The following L3MBTL3 variants were observed in gnomAD, a reference collection of about 807,000 sequenced individuals.
L3MBTL3 encodes the protein L3MBTL histone methyl-lysine binding protein 3.
Under a neutral mutation model 102.3 loss-of-function variants are expected in L3MBTL3, and 27 were observed. The ratio of observed to expected loss-of-function variants is 0.26; its 90% CI spans 0.19 to 0.36. The LOEUF (loss-of-function observed/expected upper bound fraction) is 0.36. L3MBTL3 is among the 10% of genes least tolerant of loss of function. The pLI is 1.00. For missense variants in L3MBTL3, 798 were observed against 955.3 expected (o/e 0.84, Z 2.17); for synonymous variants, 340 against 320.9 (o/e 1.06, Z -0.64).
intron 18 of L3MBTL3, among the ~76,000 whole-genome samples, chr6:130,094,687 G>A (rs758006065): frequency 2.0e-5 from 3 of 152,136 alleles, no homozygotes; most frequent in East Asian, 1.9e-4. Context: ...GGGAGACTCC[G>A]TTGATATCAT....
intron 2 of L3MBTL3, among the ~76,000 whole-genome samples, chr6:130,039,268 A>G (rs986026318): frequency 4.6e-5 from 7 of 152,144 alleles, no homozygotes; most frequent in Non-Finnish European, 5.9e-5. Context: ...CCTGTAAAAT[A>G]TAAGGAACAA....
chr6:130,139,030 C>T (rs192777332), intron 22 of L3MBTL3, among the ~76,000 whole-genome samples: 54 of 152,246 alleles, frequency 3.5e-4, no homozygotes, highest in Admixed American at 2.6e-3. Flanking sequence ...GTCAGTGACT[C>T]GTAACACCAG....
chr6:130,126,276 C>T (rs62433667), intron 20 of L3MBTL3, among the ~76,000 whole-genome samples: 9,784 of 152,246 alleles, frequency 0.064, 459 homozygotes, highest in Non-Finnish European at 0.1. Flanking sequence ...CAGCCACTCT[C>T]TCTCCTGGGT....
intron 2 of L3MBTL3, among the ~76,000 whole-genome samples, chr6:130,036,886 A>G (rs1275991630): frequency 1.3e-5 from 2 of 152,192 alleles, no homozygotes; most frequent in African/African-American, 4.8e-5. Context: ...ACAAAACTCT[A>G]TAAAGATTAA....
intron 3 of L3MBTL3, among the ~76,000 whole-genome samples, chr6:130,047,233 A>T (rs1409882979): frequency 6.6e-6 from 1 of 152,114 alleles, no homozygotes; most frequent in East Asian, 1.9e-4. Flanking sequence ...CCATCTGTGG[A>T]TCTCTGGCTT....
rs1156310546 is a variant in L3MBTL3, at chr6:130,055,481, T to TCCCTCCCTCTCG, written c.667+237_667+238insGCCCTCCCTCTC. On this transcript the variant is annotated intron_variant, in intron 8 of 22. Transcript: ENST00000361794. ...AGAACTGTCTTCCTCCCTCCCTCTC[T>TCCCTCCCTCTCG]CCCTCCCTCTCTCCCTCCCTCTCTC... 4.7e-5 allele frequency among the ~76,000 whole-genome samples: 7 copies of TCCCTCCCTCTCG among 147,428 alleles called. No individual in the cohort carries two copies. The East Asian group carries it at 1.4e-3, about 31-fold the overall frequency.
chr6:130,085,605 G>A (rs1454287954), intron 15 of L3MBTL3, among the ~76,000 whole-genome samples: 1 of 152,162 alleles, frequency 6.6e-6, no homozygotes, highest in Admixed American at 6.5e-5. Flanking sequence ...CAGACAGGGT[G>A]AAGTTCAGAG....
chr6:130,110,026 C>T (rs1446414414), intron 19 of L3MBTL3, among the ~76,000 whole-genome samples: 2 of 152,114 alleles, frequency 1.3e-5, no homozygotes, highest in South Asian at 2.1e-4. Context: ...GGTGTTATTT[C>T]TGAGGTCTCT....
At chr6:130,098,696 A>G (rs1013205885) in intron 18 of L3MBTL3, among the ~76,000 whole-genome samples, 3 of 152,016 alleles carry the variant, frequency 2.0e-5, no homozygotes, top group South Asian at 4.1e-4. Flanking sequence ...TTCTTGTTTT[A>G]TAGATGAGGA....
At chr6:130,058,740 A>G (rs1781693238) in intron 9 of L3MBTL3, among the ~76,000 whole-genome samples, 1 of 152,236 alleles carries the variant, frequency 6.6e-6, no homozygotes. Flanking sequence ...GAGAATAGGT[A>G]GACAAGTGGG....
At chr6:130,120,840 G>A (rs1199847139) in intron 19 of L3MBTL3, 39 bp from the exon 20 acceptor site, 3 of 1,488,536 alleles carry the variant, frequency 2.0e-6, no homozygotes, top group Non-Finnish European at 2.8e-6. Context: ...TTTTTAAAAT[G>A]TTTCTCTTAT....
intron 19 of L3MBTL3, among the ~76,000 whole-genome samples, chr6:130,112,328 A>T (rs770384966): frequency 6.6e-6 from 1 of 152,126 alleles, no homozygotes. Context: ...TCTTCCATGG[A>T]CAGCTATCAG....
At chr6:130,056,770 T>C in intron 8 of L3MBTL3, among the ~76,000 whole-genome samples, 1 of 152,120 alleles carries the variant, frequency 6.6e-6, no homozygotes, top group East Asian at 1.9e-4. Context: ...TTCCTTAAGT[T>C]TTCCGATTTT....
intron 2 of L3MBTL3, among the ~76,000 whole-genome samples, chr6:130,032,710 G>A (rs965328581): frequency 6.6e-6 from 1 of 152,212 alleles, no homozygotes; most frequent in African/African-American, 2.4e-5. Flanking sequence ...AAGAGATCAG[G>A]CTGGGCGTGG....
intron 10 of L3MBTL3, among the ~76,000 whole-genome samples, chr6:130,063,662 G>T (rs1258863258): frequency 6.6e-6 from 1 of 150,968 alleles, no homozygotes; most frequent in Non-Finnish European, 1.5e-5. Flanking sequence ...GAACTCACAA[G>T]TAAGAGCACT....
chr6:130,135,380 C>T (rs780329955), intron 22 of L3MBTL3, among the ~76,000 whole-genome samples: 8 of 152,094 alleles, frequency 5.3e-5, no homozygotes, highest in Non-Finnish European at 1.0e-4. Context: ...CATTCTGTAT[C>T]GCTGAGCAGA....
intron 2 of L3MBTL3, among the ~76,000 whole-genome samples, chr6:130,027,551 C>G (rs1327487082): frequency 6.6e-6 from 1 of 152,096 alleles, no homozygotes; most frequent in Admixed American, 6.5e-5. Context: ...CTTAGCTGTT[C>G]AGTCTATTGA....
chr6:130,093,562 T>C (rs559729439), intron 17 of L3MBTL3, among the ~76,000 whole-genome samples: 28 of 152,284 alleles, frequency 1.8e-4, no homozygotes, highest in Non-Finnish European at 3.7e-4. Context: ...GGGAAAAATA[T>C]TGGTTAAATA....
intron 22 of L3MBTL3, among the ~76,000 whole-genome samples, chr6:130,136,890 T>C (rs1287604865): frequency 1.3e-5 from 2 of 152,206 alleles, no homozygotes; most frequent in Non-Finnish European, 2.9e-5. Context: ...AGTGCTGCAA[T>C]TACACTCATG....
Sources: gnomAD v4.1 joint callset for allele counts (sites outside exome capture counted in the v4.1 genomes callset) on GRCh38, gnomAD v4.1.1 for gene constraint, MANE v1.5 for transcripts, NCBI Gene and HGNC (gene_info 2026-07-23, HGNC 2026-07-21) for gene names.